The following CUBN variants were observed in gnomAD, a reference collection of about 807,000 sequenced individuals.
The protein encoded by CUBN is 460 kDa receptor.
Under a neutral mutation model 405.3 loss-of-function variants are expected in CUBN, and 282 were observed. That is an observed-to-expected ratio of 0.70 (90% CI 0.63 to 0.77). The LOEUF (loss-of-function observed/expected upper bound fraction) is 0.77, where lower values mean the gene tolerates loss of function less well. Among genes scored for constraint, CUBN ranks in the 30% least tolerant of loss-of-function variants. The pLI is 0.00. For synonymous variants in CUBN, 1,684 were observed against 1,617.0 expected, an observed-to-expected ratio of 1.04 and a Z score of -0.99; for missense variants, 4,514 against 4,475.2, an observed-to-expected ratio of 1.01 and a Z score of -0.25.
At chr10:16,980,698 G>C (rs996965417) in intron 31 of CUBN, among the ~76,000 whole-genome samples, 5 of 152,046 alleles carry the variant, frequency 3.3e-5, no homozygotes, top group African/African-American at 1.2e-4. Context: ...TCGAGGGGTG[G>C]GGGGCTAAGG....
chr10:17,068,861 G>C, intron 19 of CUBN, 91 bp from the exon 20 acceptor site: 2 of 1,058,868 alleles, frequency 1.9e-6, no homozygotes, highest in South Asian at 2.7e-5. Flanking sequence ...TTTTAATGGA[G>C]TACAAATCAA....
intron 50 of CUBN, among the ~76,000 whole-genome samples, chr10:16,905,810 A>G (rs1841538002): frequency 1.3e-5 from 2 of 152,106 alleles, no homozygotes; most frequent in East Asian, 1.9e-4. Context: ...AGTAGTCTCC[A>G]AGCATATGAA....
chr10:17,073,946 A>T (rs79171966), intron 17 of CUBN, among the ~76,000 whole-genome samples: 5,455 of 152,288 alleles, frequency 0.036, 226 homozygotes, highest in South Asian at 0.22. Context: ...GAAAATGTTG[A>T]CTAAGGATAG....
intron 59 of CUBN, among the ~76,000 whole-genome samples, chr10:16,862,160 T>TCTCTCTCACA (rs144560387): frequency 1.4e-3 from 184 of 131,196 alleles, no homozygotes; most frequent in African/African-American, 5.6e-3. Context: ...TCTCTCTCTC[T>TCTCTCTCACA]CACACACACA....
At chr10:16,982,759 A>G in intron 30 of CUBN, 106 bp from the exon 31 acceptor site, 1 of 1,023,612 alleles carries the variant, frequency 9.8e-7, no homozygotes, top group South Asian at 1.4e-5. Flanking sequence ...TGAATCAGTT[A>G]GTCGATGCTA....
At chr10:16,959,550 C>G (rs1843161088) in intron 31 of CUBN, among the ~76,000 whole-genome samples, 1 of 151,844 alleles carries the variant, frequency 6.6e-6, no homozygotes, top group Non-Finnish European at 1.5e-5. Context: ...ATCACTTGAA[C>G]CCAGGAGGCA....
chr10:16,948,426 A>G, intron 35 of CUBN, 52 bp downstream of exon 35: 1 of 1,611,492 alleles, frequency 6.2e-7, no homozygotes, highest in South Asian at 1.1e-5. Context: ...CAAACCAAGA[A>G]TTTCTACCAC....
chr10:17,032,978 C>A (rs1349675900), intron 27 of CUBN, among the ~76,000 whole-genome samples: 2 of 152,198 alleles, frequency 1.3e-5, no homozygotes, highest in Non-Finnish European at 2.9e-5. Flanking sequence ...TCCTCCCCAG[C>A]AATGGTGAAG....
rs571422180 is a variant in CUBN, at chr10:16,913,481, C to T, written c.7533+330G>A. Among the ~76,000 whole-genome samples the T allele has an allele frequency of 2.2e-3, 330 of 152,260 alleles. 1 individual carries two copies. The Middle Eastern group carries it at 0.027, about 13-fold the overall frequency. The stretch of plus-strand genomic sequence containing the variant: ...CTCAGAACTTTCGTGGTGGCTTGTG[C>T]TGTGACTCTGGTCCCATTCAGCTGT... On this transcript the variant is annotated intron_variant, in intron 48 of 66. Transcript: ENST00000377833.
chr10:16,961,831 C>G (rs910037825), intron 31 of CUBN, among the ~76,000 whole-genome samples: 2 of 151,092 alleles, frequency 1.3e-5, no homozygotes, highest in Non-Finnish European at 2.9e-5. Context: ...CCTGCCTCAG[C>G]CTCCTGAGTA....
intron 14 of CUBN, among the ~76,000 whole-genome samples, chr10:17,097,592 C>T (rs2131293469): frequency 6.6e-6 from 1 of 152,034 alleles, no homozygotes; most frequent in East Asian, 1.9e-4. Context: ...AAGAATATCA[C>T]CCAAATATAG....
chr10:17,006,572 C>T (rs1031795891), intron 28 of CUBN, among the ~76,000 whole-genome samples: 2 of 152,102 alleles, frequency 1.3e-5, no homozygotes, highest in Non-Finnish European at 2.9e-5. Flanking sequence ...TAATGAAAGA[C>T]CACTCGAGAG....
At chr10:16,937,976 T>C (rs897867787) in intron 38 of CUBN, among the ~76,000 whole-genome samples, 192 bp from the exon 39 acceptor site, 1 of 152,216 alleles carries the variant, frequency 6.6e-6, no homozygotes, top group Non-Finnish European at 1.5e-5. Flanking sequence ...TAATTTAATG[T>C]TTTGAAAACA....
At chr10:16,833,632 C>G (rs12240574) in intron 64 of CUBN, among the ~76,000 whole-genome samples, 17,059 of 151,838 alleles carry the variant, frequency 0.11, 1,104 homozygotes, top group African/African-American at 0.17. Context: ...GGTTGCAGGG[C>G]AGAAAAGAAA....
intron 22 of CUBN, among the ~76,000 whole-genome samples, chr10:17,051,309 C>T (rs1835261774): frequency 6.6e-6 from 1 of 151,762 alleles, no homozygotes; most frequent in African/African-American, 2.4e-5. Context: ...TGCGGTGAGC[C>T]GAGATCATGC....
rs368235862 is a variant in CUBN at position 16,954,520 on chromosome 10, G to T, written c.4724C>A (p.Ser1575Tyr). 6.2e-7 allele frequency: 1 copy of T among 1,613,796 alleles called. No homozygotes were observed. Among genetic ancestry groups the T allele is most frequent in the Non-Finnish European group, 8.5e-7 (1 of 1,180,010 alleles). Residue 1575 changes from serine to tyrosine, a missense_variant, in exon 32 of 67, where the codon TCC becomes TAC. Physicochemically the swap from Ser to Tyr is moderately radical, Grantham distance 144. Around this residue, in one of 5 missense-constraint regions of CUBN, gnomAD observed 1,613 missense variants for 1,542.8 expected, o/e 1.05. Transcript: ENST00000377833. ...MAYDGLSSTM[S>Y]RLARTCGREQ... ...CCTTCCACACGTCCTGGCAAGGCGG[G>T]ACATTGTGGAGCTTAAGCCATCGTA... is the stretch of plus-strand genomic sequence containing the variant.
chr10:17,112,133 T>C (rs941838907), intron 8 of CUBN, among the ~76,000 whole-genome samples: 4 of 152,174 alleles, frequency 2.6e-5, no homozygotes, highest in Admixed American at 6.5e-5. Context: ...AGATTTATAA[T>C]TCAAATTATT....
At chr10:17,016,315 G>A (rs571697195) in intron 28 of CUBN, among the ~76,000 whole-genome samples, 6 of 151,646 alleles carry the variant, frequency 4.0e-5, no homozygotes, top group South Asian at 2.1e-4. Context: ...AATCTGAGTC[G>A]AGGTCCCAGT....
chr10:16,982,334 T>C (rs1833297618), intron 31 of CUBN, 150 bp downstream of exon 31: 6 of 703,018 alleles, frequency 8.5e-6, no homozygotes, highest in Non-Finnish European at 1.5e-5. Context: ...AAAAAATAAA[T>C]GTCCTTATAT....
Sources: allele counts gnomAD v4.1 joint callset (sites outside exome capture counted in the v4.1 genomes callset), GRCh38; gene constraint gnomAD v4.1.1; regional missense constraint gnomAD v4.1.1; transcripts MANE v1.5; gene names NCBI Gene and HGNC (gene_info 2026-07-23, HGNC 2026-07-21).